Variants in LHFPL2 observed in about 807,000 individuals in gnomAD.
The protein encoded by LHFPL2 is LHFPL tetraspan subfamily member 2, also known as LHFPL tetraspan subfamily member 2 protein.
Under a neutral mutation model 17.5 loss-of-function variants are expected in LHFPL2, and 7 were observed. The ratio of observed to expected loss-of-function variants is 0.40; its 90% confidence interval spans 0.23 to 0.75. The LOEUF (loss-of-function observed/expected upper bound fraction) is 0.75. Ranked by LOEUF, LHFPL2 falls within the 30% of genes least tolerant of loss-of-function variation. The pLI is 0.37. For missense variants in LHFPL2, 241 were observed against 294.8 expected (o/e 0.82, Z 1.34); for synonymous variants, 134 against 116.2 (o/e 1.15, Z -0.99).
intron 1 of LHFPL2, among the ~76,000 whole-genome samples, chr5:78,634,120 C>G (rs59377852): frequency 0.32 from 49,004 of 152,066 alleles, 8,010 homozygotes; most frequent in Middle Eastern, 0.37. Context: ...CCCCTCCCCC[C>G]AAAAAAAGCA....
intron 2 of LHFPL2, among the ~76,000 whole-genome samples, chr5:78,579,479 C>T (rs1462936058): frequency 6.6e-6 from 1 of 152,194 alleles, no homozygotes; most frequent in Non-Finnish European, 1.5e-5. Context: ...TCTCCCAGTG[C>T]TAACCCTCCC....
intron 2 of LHFPL2, among the ~76,000 whole-genome samples, chr5:78,573,955 T>A (rs950490202): frequency 1.3e-5 from 2 of 152,160 alleles, no homozygotes; most frequent in Admixed American, 1.3e-4. Context: ...CTAACTAAGA[T>A]CGTTTACTTC....
At chr5:78,512,125 T>C (rs1755147997) in intron 3 of LHFPL2, among the ~76,000 whole-genome samples, 1 of 152,250 alleles carries the variant, frequency 6.6e-6, no homozygotes, top group South Asian at 2.1e-4. Context: ...AAGCTTTTCC[T>C]GTAACATAGA....
intron 1 of LHFPL2, among the ~76,000 whole-genome samples, chr5:78,637,557 T>C (rs917139343): frequency 1.3e-5 from 2 of 152,226 alleles, no homozygotes; most frequent in African/African-American, 2.4e-5. Flanking sequence ...CTCATCCTGA[T>C]AGAGGCCAGC....
At chr5:78,553,783 T>A (rs1247365531) in intron 3 of LHFPL2, among the ~76,000 whole-genome samples, 1 of 152,188 alleles carries the variant, frequency 6.6e-6, no homozygotes, top group Non-Finnish European at 1.5e-5. Flanking sequence ...TTCTTCCAGA[T>A]CTGACTACAT....
At chr5:78,520,061 C>A (rs1167735072) in intron 3 of LHFPL2, among the ~76,000 whole-genome samples, 1 of 151,966 alleles carries the variant, frequency 6.6e-6, no homozygotes, top group Admixed American at 6.5e-5. Context: ...AGGAAAGTCG[C>A]TGCCACGCTT....
At chr5:78,531,670 G>A (rs868784757) in intron 3 of LHFPL2, among the ~76,000 whole-genome samples, 2 of 152,126 alleles carry the variant, frequency 1.3e-5, no homozygotes, top group East Asian at 3.9e-4. Context: ...CAATGGGCCC[G>A]GCTCAAAAGC....
intron 1 of LHFPL2, among the ~76,000 whole-genome samples, chr5:78,643,193 C>T (rs1248560976): frequency 2.6e-5 from 4 of 152,150 alleles, no homozygotes; most frequent in Admixed American, 6.5e-5. Flanking sequence ...CCTGGCTGCA[C>T]TATACCTTTC....
intron 4 of LHFPL2, among the ~76,000 whole-genome samples, chr5:78,509,453 G>C (rs1241062208): frequency 6.6e-6 from 1 of 152,180 alleles, no homozygotes; most frequent in Non-Finnish European, 1.5e-5. Context: ...CTGAAGTGGA[G>C]AGCATGCTTT....
intron 1 of LHFPL2, among the ~76,000 whole-genome samples, chr5:78,643,315 G>A (rs1580887245): frequency 6.6e-6 from 1 of 152,116 alleles, no homozygotes; most frequent in Non-Finnish European, 1.5e-5. Context: ...GATGAACCAA[G>A]TATTCACTCT....
intron 3 of LHFPL2, among the ~76,000 whole-genome samples, chr5:78,523,621 G>A (rs1755528526): frequency 6.6e-6 from 1 of 152,214 alleles, no homozygotes; most frequent in African/African-American, 2.4e-5. Flanking sequence ...GACAGAATGA[G>A]GGTGGCAATG....
chr5:78,633,292 G>T (rs1165852592), intron 1 of LHFPL2, among the ~76,000 whole-genome samples: 1 of 152,214 alleles, frequency 6.6e-6, no homozygotes, highest in Non-Finnish European at 1.5e-5. Context: ...CTGAAGCCCA[G>T]GTTCCTCCAG....
chr5:78,565,496 A>C (rs1324827032), intron 2 of LHFPL2, among the ~76,000 whole-genome samples: 1 of 152,254 alleles, frequency 6.6e-6, no homozygotes, highest in Non-Finnish European at 1.5e-5. Flanking sequence ...GAACCTTTAG[A>C]AAATTATAAG....
chr5:78,630,587 CATTCAA>C (rs1169677072), intron 2 of LHFPL2, among the ~76,000 whole-genome samples: 2 of 151,888 alleles, frequency 1.3e-5, no homozygotes, highest in African/African-American at 4.8e-5. Context: ...CCTTGTCTTT[CATTCAA>C]TTCTCCTTCA....
intron 2 of LHFPL2, among the ~76,000 whole-genome samples, chr5:78,613,173 G>A (rs1387424636): frequency 6.6e-6 from 1 of 152,186 alleles, no homozygotes; most frequent in Non-Finnish European, 1.5e-5. Context: ...TCCCTTATCA[G>A]CTTTCTACCT....
At chr5:78,597,135 G>A (rs1743851932) in intron 2 of LHFPL2, among the ~76,000 whole-genome samples, 1 of 152,180 alleles carries the variant, frequency 6.6e-6, no homozygotes, top group African/African-American at 2.4e-5. Context: ...GGAGAGTAAG[G>A]TCTGGTGGGG....
At chr5:78,584,992 TGTG>T (rs1405462847) in intron 2 of LHFPL2, among the ~76,000 whole-genome samples, 1 of 89,380 alleles carries the variant, frequency 1.1e-5, no homozygotes, top group African/African-American at 4.6e-5. Context: ...CCTGGTGCGC[TGTG>T]TTTTTTTTTT....
At chr5:78,489,649 C>T (rs111972339) in intron 4 of LHFPL2, among the ~76,000 whole-genome samples, 2,751 of 152,146 alleles carry the variant, frequency 0.018, 71 homozygotes, top group African/African-American at 0.058. Context: ...CCTCCCACCT[C>T]GGCCTCCACC....
chr5:78,588,937 A>G (rs891888075), intron 2 of LHFPL2, among the ~76,000 whole-genome samples: 5 of 152,200 alleles, frequency 3.3e-5, no homozygotes, highest in East Asian at 3.8e-4. Flanking sequence ...TTCTGTTTCA[A>G]TGTGCTAAGA....
Sources: allele counts gnomAD v4.1 joint callset (sites outside exome capture counted in the v4.1 genomes callset), GRCh38; gene constraint gnomAD v4.1.1; transcripts MANE v1.5; gene names NCBI Gene and HGNC (gene_info 2026-07-23, HGNC 2026-07-21).